Variants in GABRA5 observed in about 807,000 individuals in gnomAD.
GABRA5 encodes gamma-aminobutyric acid receptor subunit alpha-5.
Under a neutral mutation model 47.3 loss-of-function variants are expected in GABRA5, and 18 were observed. The ratio of observed to expected loss-of-function variants is 0.38; its 90% CI spans 0.26 to 0.56. The LOEUF is 0.56. GABRA5 is among the 20% of genes least tolerant of loss of function. GABRA5 has a pLI of 0.71. For missense variants in GABRA5, 365 were observed against 599.3 expected, an observed-to-expected ratio of 0.61 and a Z score of 4.08; for synonymous variants, 237 against 229.3, an observed-to-expected ratio of 1.03 and a Z score of -0.30.
At chr15:26,935,530 G>C (rs1332250681) in intron 7 of GABRA5, among the ~76,000 whole-genome samples, 2 of 152,222 alleles carry the variant, frequency 1.3e-5, no homozygotes, top group African/African-American at 2.4e-5. Context: ...TGCTGGCAGT[G>C]CTCAGGCACG....
chr15:26,947,966 A>T lies in GABRA5; in HGVS notation c.1122A>T (p.Thr374=), dbSNP rs1241550740. 1 of 1,588,970 alleles carries T rather than the reference A, an allele frequency of 6.3e-7. No homozygotes were observed. Among genetic ancestry groups the T allele is most frequent in the Admixed American group, 1.8e-5 (1 of 55,934 alleles). The change falls in exon 11 of 11, where the codon ACA becomes ACT. Residue 374 remains threonine (T), a synonymous_variant. Transcript: ENST00000335625. ...KKREVILNKS[T]NAFTTGKMSH... The stretch of plus-strand genomic sequence containing the variant: ...GTGAAGTCATACTAAATAAGTCAAC[A>T]AACGCTTTTACAACTGGGAAGATGT...
chr15:26,888,423 AAGCTCAG>A (rs1892930352), intron 6 of GABRA5, among the ~76,000 whole-genome samples: 1 of 152,226 alleles, frequency 6.6e-6, no homozygotes, highest in South Asian at 2.1e-4. Flanking sequence ...CACTCCAAGG[AAGCTCAG>A]AGCAGTTCCT....
chr15:26,933,816 G>C lies in GABRA5; in HGVS notation c.581-3369G>C, dbSNP rs141124384. Among the ~76,000 whole-genome samples the C allele has an allele frequency of 6.2e-4, 94 of 152,312 alleles. 1 individual carries two copies. The highest frequency in any genetic ancestry group is 2.2e-3 in the African/African-American group (90 of 41,564). On this transcript the variant is annotated intron_variant, in intron 7 of 10. Transcript: ENST00000335625. ...TTTTTACTGTCAAATTTAAAGCAGA[G>C]ATATTGGGTGTCCAGTAGGCCATCA...
intron 6 of GABRA5, among the ~76,000 whole-genome samples, chr15:26,912,139 C>T (rs1270087642): frequency 6.6e-6 from 1 of 152,196 alleles, no homozygotes; most frequent in Non-Finnish European, 1.5e-5. Context: ...AAGCATGCCT[C>T]TCCTGATCAG....
At chr15:26,933,910 G>C (rs1482870859) in intron 7 of GABRA5, among the ~76,000 whole-genome samples, 2 of 152,166 alleles carry the variant, frequency 1.3e-5, no homozygotes, top group African/African-American at 2.4e-5. Context: ...TGCTGACCTG[G>C]TGTTCAGCTC....
intron 7 of GABRA5, among the ~76,000 whole-genome samples, chr15:26,932,045 C>T (rs954482626): frequency 3.3e-5 from 5 of 152,052 alleles, no homozygotes; most frequent in Non-Finnish European, 7.4e-5. Flanking sequence ...ATGCTATTCA[C>T]GATATAGGCA....
At chr15:26,919,650 C>T (rs141309877) in intron 7 of GABRA5, among the ~76,000 whole-genome samples, 1 of 151,970 alleles carries the variant, frequency 6.6e-6, no homozygotes. Flanking sequence ...ATCACTGTTA[C>T]AATAATACAG....
Position 26,880,833 on chromosome 15 carries a change from C to G in GABRA5, c.87-13C>G, listed in dbSNP as rs1365035660. 1 of 1,612,150 alleles carries G rather than the reference C, an allele frequency of 6.2e-7. No individual in the cohort carries two copies. The highest frequency in any genetic ancestry group is 1.3e-5 in the African/African-American group (1 of 74,796). On this transcript the variant is annotated splice_polypyrimidine_tract_variant and intron_variant, in intron 3 of 10. Transcript: ENST00000335625. ...TATGTTTTAACGCTTCCTCTTGTTT[C>G]TCTTTTTAAAAGCTTTTCACAGATG...
Position 26,869,217 on chromosome 15 carries a change from T to A in GABRA5, c.-32T>A. On this transcript the variant is annotated 5_prime_UTR_variant, in exon 3 of 11. Transcript: ENST00000335625. ...AGAAGGGAAGAGTTATTCCTCCATATTCACCTGCTTCAACTACTATTCTTA... is the reference window on the plus strand; with the variant it reads ...AGAAGGGAAGAGTTATTCCTCCATAATCACCTGCTTCAACTACTATTCTTA... 1 of 1,308,380 alleles carries A rather than the reference T, an allele frequency of 7.6e-7. No homozygotes were observed. Among genetic ancestry groups the A allele is most frequent in the Non-Finnish European group, 1.1e-6 (1 of 900,962 alleles). The allele number at this position is 1,308,380 out of a possible 1,614,324, so 81.0% of individuals were successfully genotyped here. A position where few individuals can be genotyped will look rare whatever the true frequency, so the allele number is the denominator to read the frequency against.
chr15:26,934,206 CG>C (rs1481317616), intron 7 of GABRA5, among the ~76,000 whole-genome samples: 1 of 142,382 alleles, frequency 7.0e-6, no homozygotes, highest in Non-Finnish European at 1.5e-5. Flanking sequence ...GAGCCAAGAT[CG>C]TGCCACTGCA....
chr15:26,882,507 C>T (rs1204911250), intron 4 of GABRA5, among the ~76,000 whole-genome samples: 1 of 152,136 alleles, frequency 6.6e-6, no homozygotes, highest in African/African-American at 2.4e-5. Flanking sequence ...GTGGTAGTGC[C>T]CAGGGAAGTA....
chr15:26,939,649 G>C lies in GABRA5; in HGVS notation c.725-276G>C, dbSNP rs144327208. 1.9e-3 allele frequency: 1,123 copies of C among 598,434 alleles called. 1 individual carries two copies. The highest frequency in any genetic ancestry group is 2.7e-3 in the Non-Finnish European group (901 of 336,446). The allele number at this position is 598,434 out of a possible 1,614,324, so 37.1% of individuals were successfully genotyped here. A position where few individuals can be genotyped will look rare whatever the true frequency, so the allele number is the denominator to read the frequency against. ...GAGTGGGGGGAGAGAGGCACAGATTGTGACTGGAGATTAGTAAAACACACA... is the reference window on the plus strand; with the variant it reads ...GAGTGGGGGGAGAGAGGCACAGATTCTGACTGGAGATTAGTAAAACACACA... On this transcript the variant is annotated intron_variant, in intron 8 of 10. Coordinates refer to ENST00000335625, the MANE Select transcript of GABRA5 (RefSeq NM_000810.4).
chr15:26,945,668 C>T (rs1325696340), intron 10 of GABRA5, among the ~76,000 whole-genome samples: 4 of 152,216 alleles, frequency 2.6e-5, no homozygotes, highest in African/African-American at 9.6e-5. Flanking sequence ...CCCTCTGCAA[C>T]TCAGGCTGCC....
At chr15:26,927,617 AT>A (rs1893992456) in intron 7 of GABRA5, among the ~76,000 whole-genome samples, 1 of 152,210 alleles carries the variant, frequency 6.6e-6, no homozygotes. Flanking sequence ...GCACATGATA[AT>A]TCTAAGAGAA....
intron 6 of GABRA5, among the ~76,000 whole-genome samples, chr15:26,896,526 C>T (rs1403635746): frequency 2.0e-5 from 3 of 152,102 alleles, no homozygotes; most frequent in Non-Finnish European, 4.4e-5. Flanking sequence ...ATAATGTTTA[C>T]TAGAAATAAA....
At chr15:26,947,602 C>T (rs959566489) in intron 10 of GABRA5, among the ~76,000 whole-genome samples, 12 of 152,256 alleles carry the variant, frequency 7.9e-5, no homozygotes, top group African/African-American at 2.9e-4. Context: ...TTTCTTTATC[C>T]AGTCTGTCAT....
chr15:26,920,881 C>T (rs1755006284), intron 7 of GABRA5, among the ~76,000 whole-genome samples: 1 of 152,160 alleles, frequency 6.6e-6, no homozygotes, highest in Non-Finnish European at 1.5e-5. Flanking sequence ...AAATCGGTTC[C>T]TCCGACAGCC....
intron 7 of GABRA5, among the ~76,000 whole-genome samples, chr15:26,922,001 A>G (rs61999589): frequency 0.23 from 34,547 of 151,974 alleles, 4,335 homozygotes; most frequent in Middle Eastern, 0.37. Flanking sequence ...GCATTGTTTT[A>G]TGCACAATAT....
intron 9 of GABRA5, among the ~76,000 whole-genome samples, chr15:26,942,882 G>C (rs1035373113): frequency 1.3e-5 from 2 of 152,126 alleles, no homozygotes; most frequent in African/African-American, 2.4e-5. Flanking sequence ...CCAGGAATTC[G>C]AGACCAGCCT....
Sources: allele counts gnomAD v4.1 joint callset (sites outside exome capture counted in the v4.1 genomes callset), GRCh38; gene constraint gnomAD v4.1.1; transcripts MANE v1.5; gene names NCBI Gene and HGNC (gene_info 2026-07-23, HGNC 2026-07-21).